Variants in BBX observed in about 807,000 individuals in gnomAD.
The protein encoded by BBX is HMG box transcription factor BBX.
In BBX, 30 loss-of-function variants were observed where a neutral mutation model predicts 100.2. That is an observed-to-expected ratio of 0.30 (90% confidence interval 0.22 to 0.41). BBX has a LOEUF of 0.41. Among genes scored for constraint, BBX ranks in the 10% least tolerant of loss-of-function variants. BBX has a pLI of 1.00. For missense variants in BBX, 1,023 were observed against 1,129.8 expected (o/e 0.91, Z 1.35); for synonymous variants, 376 against 388.1 (o/e 0.97, Z 0.37).
At chr3:107,796,648 TC>T (rs1222636395) in intron 15 of BBX, among the ~76,000 whole-genome samples, 1 of 152,188 alleles carries the variant, frequency 6.6e-6, no homozygotes, top group Non-Finnish European at 1.5e-5. Flanking sequence ...TAAAATAGAA[TC>T]ATGCATCTTC....
At chr3:107,776,786 T>C (rs946351446) in intron 12 of BBX, among the ~76,000 whole-genome samples, 1 of 152,206 alleles carries the variant, frequency 6.6e-6, no homozygotes, top group African/African-American at 2.4e-5. Flanking sequence ...TTCAGTTTTC[T>C]TTTGGGTATT....
At chr3:107,590,192 C>T (rs896947092) in intron 2 of BBX, among the ~76,000 whole-genome samples, 2 of 151,970 alleles carry the variant, frequency 1.3e-5, no homozygotes, top group African/African-American at 4.8e-5. Flanking sequence ...AAAATAATTA[C>T]CTGTGTGCAT....
At chr3:107,697,586 G>T (rs374507035) in intron 3 of BBX, among the ~76,000 whole-genome samples, 5 of 151,882 alleles carry the variant, frequency 3.3e-5, no homozygotes, top group Admixed American at 3.3e-4. Context: ...TGGGAGAACC[G>T]CTGCTCTCTT....
chr3:107,750,743 T>A (rs570555159), intron 9 of BBX, among the ~76,000 whole-genome samples: 1 of 152,310 alleles, frequency 6.6e-6, no homozygotes, highest in African/African-American at 2.4e-5. Context: ...AAATATCTAC[T>A]AAAATCTGCT....
intron 4 of BBX, among the ~76,000 whole-genome samples, chr3:107,713,610 C>T (rs2061874800): frequency 6.6e-6 from 1 of 152,166 alleles, no homozygotes; most frequent in African/African-American, 2.4e-5. Context: ...GCAATTAAAA[C>T]ATTTTTCGAT....
intron 2 of BBX, among the ~76,000 whole-genome samples, chr3:107,611,754 T>C (rs1298227651): frequency 2.0e-5 from 3 of 152,174 alleles, no homozygotes; most frequent in East Asian, 3.9e-4. Context: ...AACTTTCTTG[T>C]ACTTGGATTT....
chr3:107,715,957 G>A (rs1312751531), intron 4 of BBX, among the ~76,000 whole-genome samples: 1 of 152,186 alleles, frequency 6.6e-6, no homozygotes, highest in Non-Finnish European at 1.5e-5. Context: ...CAAGTTTGAA[G>A]ATTTATTGTG....
Position 107,773,756 on chromosome 3 carries a change from T to A in BBX, c.1915+120T>A. On this transcript the variant is annotated intron_variant, in intron 11 of 17. Transcript: ENST00000325805. This position sits in a 1 kb window ranked among gnomAD's most constrained non-coding sequence, Gnocchi z 4.1. ...GTATCAAAATAATACCTTACATTTG[T>A]ATATTTCTTTATGGTTTATAGATCA... The A allele has an allele frequency of 1.1e-6, 1 of 874,160 alleles. No homozygotes were observed. Among genetic ancestry groups the A allele is most frequent in the Non-Finnish European group, 1.7e-6 (1 of 584,156 alleles). The allele number at this position is 874,160 out of a possible 1,614,324, so 54.2% of individuals were successfully genotyped here.
intron 2 of BBX, among the ~76,000 whole-genome samples, chr3:107,584,249 T>G (rs1251046384): frequency 1.7e-5 from 2 of 117,250 alleles, no homozygotes; most frequent in Non-Finnish European, 3.3e-5. Flanking sequence ...AAAGTATAAA[T>G]TATACTTTAT....
chr3:107,630,486 G>A (rs769470407), intron 2 of BBX, among the ~76,000 whole-genome samples: 26 of 152,236 alleles, frequency 1.7e-4, no homozygotes, highest in Admixed American at 5.2e-4. Context: ...TTCTGGGGTG[G>A]AAGTGGGGAA....
At chr3:107,744,868 A>G (rs553556530) in intron 8 of BBX, among the ~76,000 whole-genome samples, 158 bp downstream of exon 8, 1 of 152,200 alleles carries the variant, frequency 6.6e-6, no homozygotes, top group Non-Finnish European at 1.5e-5. Flanking sequence ...TTGGGTCTCT[A>G]GAGTTCTTAA....
chr3:107,544,516 T>C (rs1025634059), intron 2 of BBX, among the ~76,000 whole-genome samples: 11 of 152,152 alleles, frequency 7.2e-5, no homozygotes, highest in African/African-American at 2.7e-4. Context: ...CCTGTACATA[T>C]TATATATTTA....
intron 3 of BBX, among the ~76,000 whole-genome samples, chr3:107,694,029 T>G (rs1363851897): frequency 6.8e-6 from 1 of 146,700 alleles, no homozygotes; most frequent in Admixed American, 6.8e-5. Flanking sequence ...GCTTGTGATT[T>G]TTGTACATTG....
chr3:107,790,046 G>T (rs1266496265), intron 14 of BBX, among the ~76,000 whole-genome samples, 170 bp downstream of exon 14: 1 of 152,046 alleles, frequency 6.6e-6, no homozygotes, highest in Non-Finnish European at 1.5e-5. Flanking sequence ...TGCAGCTAAT[G>T]CAAATCTCCT....
chr3:107,787,855 C>A (rs1374035167), intron 13 of BBX, among the ~76,000 whole-genome samples: 5 of 152,086 alleles, frequency 3.3e-5, no homozygotes, highest in Non-Finnish European at 7.4e-5. Flanking sequence ...ATTTTCTAGG[C>A]AAGGTAATGG....
chr3:107,586,876 G>A (rs544296719), intron 2 of BBX, among the ~76,000 whole-genome samples: 2 of 151,992 alleles, frequency 1.3e-5, no homozygotes, highest in African/African-American at 4.8e-5. Flanking sequence ...TCAGCCTCTG[G>A]AGTAGCTGGG....
chr3:107,583,939 T>A (rs1281107521), intron 2 of BBX, among the ~76,000 whole-genome samples: 4 of 79,834 alleles, frequency 5.0e-5, no homozygotes, highest in South Asian at 3.6e-4. Flanking sequence ...ATATATATAT[T>A]ATATATATTA....
chr3:107,540,809 A>G (rs1316222520), intron 2 of BBX, among the ~76,000 whole-genome samples: 3 of 152,170 alleles, frequency 2.0e-5, no homozygotes, highest in East Asian at 1.9e-4. Flanking sequence ...ACCCCAACCT[A>G]TACTATTACA....
chr3:107,684,866 A>G (rs2059760668), intron 3 of BBX, among the ~76,000 whole-genome samples: 1 of 152,160 alleles, frequency 6.6e-6, no homozygotes, highest in African/African-American at 2.4e-5. Flanking sequence ...CCTGCCTTTC[A>G]TCTTTTTTTT....
Sources: allele counts gnomAD v4.1 joint callset (sites outside exome capture counted in the v4.1 genomes callset), GRCh38; gene constraint gnomAD v4.1.1; non-coding constraint Gnocchi (gnomAD v3.1); transcripts MANE v1.5; gene names NCBI Gene and HGNC (gene_info 2026-07-23, HGNC 2026-07-21).